Variants in GAK observed in about 807,000 individuals in gnomAD.
GAK encodes the protein cyclin-G-associated kinase.
Under a neutral mutation model 143.9 loss-of-function variants are expected in GAK, and 79 were observed. The ratio of observed to expected loss-of-function variants is 0.55; its 90% confidence interval spans 0.46 to 0.66. The LOEUF is 0.66. Among genes scored for constraint, GAK ranks in the 30% least tolerant of loss-of-function variants. The probability of loss-of-function intolerance (pLI) is 0.00; values close to 1 mark genes in which losing one functional copy is unlikely to be tolerated. For missense variants in GAK, 1,693 were observed against 1,779.7 expected, an observed-to-expected ratio of 0.95 and a Z score of 0.88; for synonymous variants, 881 against 765.5, an observed-to-expected ratio of 1.15 and a Z score of -2.49.
At chr4:885,152 G>A (rs558569276) in intron 11 of GAK, among the ~76,000 whole-genome samples, 27 of 152,170 alleles carry the variant, frequency 1.8e-4, no homozygotes, top group Admixed American at 1.4e-3. Flanking sequence ...CACAGGATGC[G>A]GGTCTTCCAA....
Position 904,652 on chromosome 4 carries a change from G to A in GAK, c.510C>T (p.Ile170=), listed in dbSNP as rs1411149267. Residue 170 remains isoleucine, a synonymous_variant, in exon 5 of 28, where the codon ATC becomes ATT. Coordinates refer to ENST00000314167, the MANE Select transcript of GAK (RefSeq NM_005255.4). The part of the protein sequence containing the change: ...QHMHRQKPPI[I]HRDLKVENLL... ...GAGCCACTACCTTGAGGTCCCTGTG[G>A]ATGATGGGCGGCTTCTGCCGGTGCA... 3.8e-6 allele frequency: 6 copies of A among 1,598,316 alleles called. No homozygotes were observed. The highest frequency in any genetic ancestry group is 1.7e-5 in the Admixed American group (1 of 58,424).
rs1427013192 is a variant in GAK, at chr4:893,997, T to G, written c.754A>C (p.Ile252Leu). Residue 252 changes from isoleucine (I) to leucine (L), a missense_variant, in exon 8 of 28, where the codon ATC becomes CTC. Physicochemically the swap from Ile to Leu is conservative, Grantham distance 5. Transcript: ENST00000314167. ...TGCCGGAAGCACAGCAGGTACAAGA[T>G]GCAGCCCAGGGCCTGCGGGGAGAGC... ...EKQDIWALGC[I>L]LYLLCFRQHP... 1 of 1,608,360 alleles carries G rather than the reference T, an allele frequency of 6.2e-7. No individual in the cohort carries two copies. Among genetic ancestry groups the G allele is most frequent in the Non-Finnish European group, 8.5e-7 (1 of 1,177,600 alleles).
chr4:888,982 C>G lies in GAK; in HGVS notation c.1082-12G>C. Reference sequence around the variant, plus strand: ...CGCCAGCGCCAGGCCTGCAGGGAGACACAGTCTCAGCAGGCCCCAGGTGCT... The same window carrying G: ...CGCCAGCGCCAGGCCTGCAGGGAGAGACAGTCTCAGCAGGCCCCAGGTGCT... On this transcript the variant is annotated splice_polypyrimidine_tract_variant and intron_variant, in intron 10 of 27. Coordinates refer to ENST00000314167, the MANE Select transcript of GAK (RefSeq NM_005255.4). 1.9e-6 allele frequency: 3 copies of G among 1,608,336 alleles called. No homozygotes were observed. The highest frequency in any genetic ancestry group is 1.1e-5 in the South Asian group (1 of 90,622).
At chr4:896,609 T>C in intron 6 of GAK, 60 bp from the exon 7 acceptor site, 1 of 1,278,482 alleles carries the variant, frequency 7.8e-7, no homozygotes, top group Non-Finnish European at 1.1e-6. Flanking sequence ...ATTTTTTATG[T>C]TGCACCACTT....
At chr4:887,528 T>C (rs1300862797) in intron 11 of GAK, 1 of 129,342 alleles carries the variant, frequency 7.7e-6, no homozygotes, top group Non-Finnish European at 1.6e-5. Context: ...CACACTTGCA[T>C]GCGTGTGTAC....
intron 5 of GAK, among the ~76,000 whole-genome samples, chr4:898,778 G>T (rs537343213): frequency 6.6e-6 from 1 of 152,108 alleles, no homozygotes; most frequent in East Asian, 1.9e-4. Flanking sequence ...CAGGAGAATC[G>T]CTTGAACTTG....
At chr4:857,205 G>A (rs1012349671) in intron 24 of GAK, among the ~76,000 whole-genome samples, 3 of 152,082 alleles carry the variant, frequency 2.0e-5, no homozygotes, top group South Asian at 2.1e-4. Flanking sequence ...TTTATATACC[G>A]ATAAATCCTA....
intron 15 of GAK, among the ~76,000 whole-genome samples, chr4:878,364 T>G (rs1424470469): frequency 1.3e-5 from 2 of 151,708 alleles, no homozygotes; most frequent in African/African-American, 4.8e-5. Flanking sequence ...GGTATTGATT[T>G]CAATTTTTAT....
At chr4:870,524 T>G (rs960025248) in intron 19 of GAK, among the ~76,000 whole-genome samples, 187 bp downstream of exon 19, 6 of 152,218 alleles carry the variant, frequency 3.9e-5, no homozygotes, top group Admixed American at 1.3e-4. Context: ...CCTTCTCTGG[T>G]GTAGCTGGTG....
At chr4:850,212 C>G (rs556136816) in intron 26 of GAK, 144 bp from the exon 27 acceptor site, 1 of 738,636 alleles carries the variant, frequency 1.4e-6, no homozygotes. Context: ...TCCCACTGCA[C>G]GCCCTGCCCT....
At chr4:881,159 G>A (rs1335221012) in intron 15 of GAK, among the ~76,000 whole-genome samples, 1 of 152,218 alleles carries the variant, frequency 6.6e-6, no homozygotes, top group Admixed American at 6.5e-5. Context: ...GATAAAGAAT[G>A]GGGAGTCCCC....
Position 851,088 on chromosome 4 carries a change from GA to G in GAK, c.3509-5del. 6.2e-7 allele frequency: 1 copy of G among 1,612,284 alleles called. No homozygotes were observed. Among genetic ancestry groups the G allele is most frequent in the Non-Finnish European group, 8.5e-7 (1 of 1,179,200 alleles). On this transcript the variant is annotated splice_polypyrimidine_tract_variant and splice_region_variant and intron_variant, in intron 25 of 27. Coordinates refer to ENST00000314167, the MANE Select transcript of GAK (RefSeq NM_005255.4). ...TCAGAGACTTTTGGCTTTTGAGCTA[GA>G]AAAGAACAGAAACTTTTTTTTGTTT...
chr4:869,216 TAC>T (rs1283875611), intron 19 of GAK: 1 of 61,292 alleles, frequency 1.6e-5, no homozygotes, highest in Non-Finnish European at 3.3e-5. Flanking sequence ...AGATGCATGG[TAC>T]ACACGGATGC....
At chr4:877,553 T>G (rs778063819) in intron 16 of GAK, 62 bp downstream of exon 16, 1 of 1,497,024 alleles carries the variant, frequency 6.7e-7, no homozygotes, top group African/African-American at 1.4e-5. Context: ...GGGTTCCTCT[T>G]TAACGGTTTT....
rs772326344 is a variant in GAK, at chr4:867,207, G to C, written c.2621C>G (p.Pro874Arg). 1 of 1,612,006 alleles carries C rather than the reference G, an allele frequency of 6.2e-7. No individual in the cohort carries two copies. The highest frequency in any genetic ancestry group is 1.3e-5 in the African/African-American group (1 of 75,024). Reference protein sequence around the residue: ...EVETPAVLPEPVPQEDGVDLL... With the variant: ...EVETPAVLPERVPQEDGVDLL... ...GTCGACCCCGTCTTCCTGTGGCACA[G>C]GCTCTGGCAGCACAGCCGGTGTCTC... Residue 874 changes from proline to arginine, a missense_variant, in exon 21 of 28, where the codon CCT (proline) becomes CGT (arginine). This residue lies in a region of GAK where 822 missense variants were observed against 788.7 expected (regional missense o/e 1.04). Transcript: ENST00000314167.
intron 1 of GAK, chr4:913,881 C>G (rs1233524275): frequency 1.2e-5 from 4 of 339,148 alleles, no homozygotes; most frequent in South Asian, 7.9e-5. Context: ...ACGGCCCCCC[C>G]ACACACACAC....
rs1280502982 is a variant in GAK at position 876,538 on chromosome 4, T to C, written c.2046A>G (p.Lys682=). 6.2e-7 allele frequency: 1 copy of C among 1,614,026 alleles called. No individual in the cohort carries two copies. ...GFVPRNATTV[K]FAKYDLDACD... is the part of the protein sequence containing the mutation. ...AAGCGGTACCAACGTACTTGGCAAA[T>C]TTCACAGTGGTGGCGTTCCGAGGCA... Residue 682 remains lysine (K), a synonymous_variant, in exon 18 of 28, where the codon AAA becomes AAG. Coordinates refer to ENST00000314167, the MANE Select transcript of GAK (RefSeq NM_005255.4).
At chr4:909,906 C>T (rs3796610) in intron 4 of GAK, among the ~76,000 whole-genome samples, 82,711 of 151,852 alleles carry the variant, frequency 0.54, 23,224 homozygotes, top group South Asian at 0.67. Flanking sequence ...CTGGCAGCAT[C>T]TCCTCAGCCT....
At chr4:852,872 C>G (rs560838535) in intron 24 of GAK, 1 of 152,324 alleles carries the variant, frequency 6.6e-6, no homozygotes, top group Non-Finnish European at 1.5e-5. Flanking sequence ...CCCGGGCAGC[C>G]GCGCCACCTA....
Sources: gnomAD v4.1 joint callset for allele counts (sites outside exome capture counted in the v4.1 genomes callset) on GRCh38, gnomAD v4.1.1 for gene constraint, gnomAD v4.1.1 regional missense constraint, MANE v1.5 for transcripts, NCBI Gene and HGNC (gene_info 2026-07-23, HGNC 2026-07-21) for gene names.